Variants in CASP10 observed in about 807,000 individuals in gnomAD.
The protein encoded by CASP10 is caspase-10.
CASP10 carries 41 observed loss-of-function variants against 48.5 expected under a neutral mutation model. The ratio of observed to expected loss-of-function variants is 0.85; its 90% CI spans 0.66 to 1.10. CASP10 has a LOEUF of 1.10. Among genes scored for constraint, CASP10 ranks in the 50% least tolerant of loss-of-function variants. The pLI is 0.00. For missense variants in CASP10, 614 were observed against 614.5 expected, an observed-to-expected ratio of 1.00 and a Z score of 0.01; for synonymous variants, 232 against 238.4, an observed-to-expected ratio of 0.97 and a Z score of 0.25.
chr2:201,199,050 G>T (rs1461652645), intron 5 of CASP10, among the ~76,000 whole-genome samples: 1 of 151,992 alleles, frequency 6.6e-6, no homozygotes, highest in African/African-American at 2.4e-5. Flanking sequence ...TTATTTTTGT[G>T]CATTTACTCA....
rs1282390788 is a variant in CASP10 at position 201,218,842 on chromosome 2, T to C, written c.*1101T>C. ...GAAAATTTGGTCTATGCCAGGCCCA[T>C]TTCCTGCTTTTGTGTAAGGAAGGTG... On this transcript the variant is annotated 3_prime_UTR_variant, in exon 10 of 10. Coordinates refer to ENST00000286186, the MANE Select transcript of CASP10 (RefSeq NM_032977.4). The C allele has an allele frequency of 1.0e-6, 1 of 985,458 alleles. No individual in the cohort carries two copies. The highest frequency in any genetic ancestry group is 1.1e-4 in the East Asian group (1 of 8,816). The allele number at this position is 985,458 out of a possible 1,614,324, so 61.0% of individuals were successfully genotyped here. A position where few individuals can be genotyped will look rare whatever the true frequency, so the allele number is the denominator to read the frequency against.
chr2:201,206,020 TC>T, intron 7 of CASP10, 47 bp downstream of exon 7: 1 of 1,288,680 alleles, frequency 7.8e-7, no homozygotes, highest in South Asian at 1.3e-5. Context: ...AAATTTTTTT[TC>T]CAAATTTAAT....
In CASP10 at chr2:201,193,071, G is replaced by T. The variant is rs761610318; in HGVS notation, c.529G>T (p.Val177Phe). The change falls in exon 4 of 10, where the codon GTT becomes TTT. Residue 177 changes from valine (V) to phenylalanine (F), a missense_variant. Transcript: ENST00000286186. ...LTCLEDLCKT[V>F]VPKLLRNIEK... ...ATGCCTGGAGGACCTCTGCAAAACA[G>T]TTGTACCTAAACTTTTGAGAAACAT... 2 of 1,613,886 alleles carry T rather than the reference G, an allele frequency of 1.2e-6. No individual in the cohort carries two copies. Among genetic ancestry groups the T allele is most frequent in the South Asian group, 2.2e-5 (2 of 91,078 alleles).
Position 201,217,975 on chromosome 2 carries a change from G to GT in CASP10, c.*234_*235insT. The GT allele has an allele frequency of 8.7e-7, 1 of 1,143,366 alleles. No individual in the cohort carries two copies. The highest frequency in any genetic ancestry group is 1.1e-6 in the Non-Finnish European group (1 of 873,366). The allele number at this position is 1,143,366 out of a possible 1,614,324, so 70.8% of individuals were successfully genotyped here. A position where few individuals can be genotyped will look rare whatever the true frequency, so the allele number is the denominator to read the frequency against. ...GTCACCCAGACTGGAGTGCAGGGGG[G>GT]CAATCACGGCTCACTGTAGTCTCGA... On this transcript the variant is annotated 3_prime_UTR_variant, in exon 10 of 10. Coordinates refer to ENST00000286186, the MANE Select transcript of CASP10 (RefSeq NM_032977.4).
rs1368943114 is a variant in CASP10, at chr2:201,187,741, C to G, written c.383C>G (p.Ser128Ter). 1 of 1,614,058 alleles carries G rather than the reference C, an allele frequency of 6.2e-7. No individual in the cohort carries two copies. The highest frequency in any genetic ancestry group is 1.1e-5 in the South Asian group (1 of 91,082). ...TACGAACTGTCAGAAGGCATTGACT[C>G]AGAGAACTTAAAGGACATGATCTTC... is the stretch of plus-strand genomic sequence containing the variant. Reference protein sequence around the residue: ...LLYELSEGIDSENLKDMIFLL... With the variant: ...LLYELSEGID The change falls in exon 3 of 10, where the codon TCA becomes TGA. Residue 128 changes from serine to a stop codon, truncating the protein, a stop_gained. Transcript: ENST00000286186. LOFTEE classifies it high-confidence loss of function.
chr2:201,208,455 C>T (rs1576124382), intron 8 of CASP10: 1 of 681,024 alleles, frequency 1.5e-6, no homozygotes, highest in Non-Finnish European at 1.8e-6. Context: ...GCTCCAGCTC[C>T]ACCACTAACT....
At chr2:201,227,161 A>G (rs773697346) in intron 9 of CASP10, among the ~76,000 whole-genome samples, 45 of 152,084 alleles carry the variant, frequency 3.0e-4, no homozygotes, top group Non-Finnish European at 5.1e-4. Context: ...TCTTCAACTG[A>G]GTGCTAGATG....
rs764759465 is a variant in CASP10 at position 201,185,777 on chromosome 2, C to G, written c.-1C>G. On this transcript the variant is annotated 5_prime_UTR_variant, in exon 2 of 10. Coordinates refer to ENST00000286186, the MANE Select transcript of CASP10 (RefSeq NM_032977.4). ...ACCTCTCTGTCCCTTTCAGGCTGGCCATGAAATCTCAAGGTCAACATTGGT... is the reference window on the plus strand; with the variant it reads ...ACCTCTCTGTCCCTTTCAGGCTGGCGATGAAATCTCAAGGTCAACATTGGT... 1 of 1,609,908 alleles carries G rather than the reference C, an allele frequency of 6.2e-7. No individual in the cohort carries two copies. The highest frequency in any genetic ancestry group is 8.5e-7 in the Non-Finnish European group (1 of 1,176,256).
chr2:201,227,131 T>C (rs985765840), intron 9 of CASP10, among the ~76,000 whole-genome samples: 1 of 152,176 alleles, frequency 6.6e-6, no homozygotes, highest in Non-Finnish European at 1.5e-5. Context: ...GGGCTTCAAA[T>C]GCATCAGTCA....
exon 10 of CASP10, chr2:201,229,334 G>A (rs116157119): frequency 0.013 from 7,393 of 548,846 alleles, 82 homozygotes; most frequent in Middle Eastern, 0.04. Flanking sequence ...AACTACAAGC[G>A]GATGGTTAAA....
chr2:201,184,410 A>G (rs573390320), intron 1 of CASP10, among the ~76,000 whole-genome samples: 1 of 151,882 alleles, frequency 6.6e-6, no homozygotes, highest in East Asian at 1.9e-4. Flanking sequence ...TGGAACCTCC[A>G]TCCCCGGGGC....
rs1945649979 is a variant in CASP10 at position 201,218,853 on chromosome 2, T to G, written c.*1112T>G. The G allele has an allele frequency of 5.1e-6, 5 of 985,484 alleles. No homozygotes were observed. The South Asian group carries it at 2.3e-4, about 46-fold the overall frequency. 61.0% of individuals were successfully genotyped at this position (985,484 alleles called of 1,614,324 possible). A position where few individuals can be genotyped will look rare whatever the true frequency, so the allele number is the denominator to read the frequency against. On this transcript the variant is annotated 3_prime_UTR_variant, in exon 10 of 10. Transcript: ENST00000286186. ...CTATGCCAGGCCCATTTCCTGCTTT[T>G]GTGTAAGGAAGGTGCTCACATAGGA... is the stretch of plus-strand genomic sequence containing the variant.
chr2:201,190,031 C>G (rs1478361630), intron 3 of CASP10, among the ~76,000 whole-genome samples: 1 of 151,924 alleles, frequency 6.6e-6, no homozygotes. Flanking sequence ...CATTTTTTCC[C>G]AGGGGATACA....
In CASP10 at chr2:201,218,331, G is replaced by C; in HGVS notation, c.*590G>C. On this transcript the variant is annotated 3_prime_UTR_variant, in exon 10 of 10. Coordinates refer to ENST00000286186, the MANE Select transcript of CASP10 (RefSeq NM_032977.4). ...GCAGGTACTTTTTCTTTGAGACAGA[G>C]TCACTCCGTCACCTGGGCTGGAGTG... 1.0e-6 allele frequency: 1 copy of C among 990,328 alleles called. No homozygotes were observed. Among genetic ancestry groups the C allele is most frequent in the Non-Finnish European group, 1.2e-6 (1 of 833,638 alleles). The allele number at this position is 990,328 out of a possible 1,614,324, so 61.3% of individuals were successfully genotyped here.
At chr2:201,208,861 T>G (rs990393984) in intron 8 of CASP10, among the ~76,000 whole-genome samples, 2 of 152,076 alleles carry the variant, frequency 1.3e-5, no homozygotes, top group African/African-American at 2.4e-5. Context: ...GTATTTTCAG[T>G]AGAGATGGGG....
chr2:201,212,938 G>A (rs984187467), intron 9 of CASP10: 2 of 152,138 alleles, frequency 1.3e-5, no homozygotes, highest in African/African-American at 4.8e-5. Context: ...TAAATGTTGT[G>A]GGAATGAGGC....
intron 3 of CASP10, among the ~76,000 whole-genome samples, chr2:201,188,461 T>G (rs1944491558): frequency 6.6e-6 from 1 of 152,212 alleles, no homozygotes; most frequent in Non-Finnish European, 1.5e-5. Flanking sequence ...ATTACAGGTG[T>G]GAGTCACCGC....
chr2:201,193,897 G>A (rs533841433), intron 4 of CASP10, among the ~76,000 whole-genome samples: 14 of 152,240 alleles, frequency 9.2e-5, no homozygotes, highest in African/African-American at 3.4e-4. Context: ...TTCCCTATCT[G>A]TAAAGTGGGC....
At chr2:201,228,000 A>G (rs1162945506) in intron 9 of CASP10, among the ~76,000 whole-genome samples, 2 of 151,850 alleles carry the variant, frequency 1.3e-5, no homozygotes, top group Non-Finnish European at 2.9e-5. Flanking sequence ...TCAGCACTCT[A>G]TTGGATAAGG....
Sources: allele counts gnomAD v4.1 joint callset (sites outside exome capture counted in the v4.1 genomes callset), GRCh38; gene constraint gnomAD v4.1.1; transcripts MANE v1.5; gene names NCBI Gene and HGNC (gene_info 2026-07-23, HGNC 2026-07-21).